The following FRMD6 variants were observed in gnomAD, a reference collection of about 807,000 sequenced individuals.
FRMD6 encodes FERM domain-containing protein 6.
FRMD6 carries 37 observed loss-of-function variants against 73.2 expected under a neutral mutation model. The observed-to-expected ratio is 0.51, with a 90% confidence interval of 0.39 to 0.66. FRMD6 has a LOEUF of 0.66. Ranked by LOEUF, FRMD6 falls within the 30% of genes least tolerant of loss-of-function variation. The pLI is 0.00. For missense variants in FRMD6, 714 were observed against 780.5 expected (o/e 0.91, Z 1.02); for synonymous variants, 273 against 282.2 (o/e 0.97, Z 0.33).
At position 51,730,392 on chromosome 14, in the gene FRMD6, C is replaced by T. The variant is rs558179075; in HGVS notation, c.*2363C>T. 3 of 152,256 alleles carry T rather than the reference C, an allele frequency of 2.0e-5. No homozygotes were observed. The South Asian group carries it at 6.2e-4, about 32-fold the overall frequency. 9.4% of individuals were successfully genotyped at this position (152,256 alleles called of 1,614,324 possible). On this transcript the variant is annotated 3_prime_UTR_variant, in exon 14 of 14. Coordinates refer to ENST00000344768, the MANE Select transcript of FRMD6 (RefSeq NM_001267046.2). ...TATATATATGTATAGGAAAAATCCA[C>T]TTTGAATAATCCATGTTTTGTATTT...
intron 1 of FRMD6, among the ~76,000 whole-genome samples, chr14:51,500,729 A>C (rs565377260): frequency 6.6e-6 from 1 of 152,282 alleles, no homozygotes; most frequent in African/African-American, 2.4e-5. Flanking sequence ...AGGCCATAGA[A>C]GATTATATAT....
chr14:51,677,689 G>C (rs577339218), intron 1 of FRMD6, among the ~76,000 whole-genome samples: 1 of 152,104 alleles, frequency 6.6e-6, no homozygotes, highest in African/African-American at 2.4e-5. Context: ...TTATCCCCCA[G>C]CTTCCCATAG....
chr14:51,709,327 A>G (rs969504374), intron 7 of FRMD6, among the ~76,000 whole-genome samples: 1 of 152,204 alleles, frequency 6.6e-6, no homozygotes, highest in African/African-American at 2.4e-5. Flanking sequence ...TGAATACTAA[A>G]GGAATTGTTG....
the FRMD6 span, among the ~76,000 whole-genome samples, chr14:51,477,940 G>C: frequency 6.6e-6 from 1 of 152,084 alleles, no homozygotes; most frequent in African/African-American, 2.4e-5. Flanking sequence ...GTTTTGCCAT[G>C]TTGGCCAGGC....
intron 2 of FRMD6, among the ~76,000 whole-genome samples, chr14:51,618,857 A>C (rs1237329164): frequency 6.6e-6 from 1 of 150,966 alleles, no homozygotes; most frequent in African/African-American, 2.4e-5. Context: ...ATTTCTATGA[A>C]GAATTGACAG....
chr14:51,457,342 A>T, the FRMD6 span, among the ~76,000 whole-genome samples: 1 of 152,294 alleles, frequency 6.6e-6, no homozygotes, highest in East Asian at 1.9e-4. Flanking sequence ...CATCAAGTAT[A>T]TGATGACTAG....
chr14:51,513,446 C>T (rs551858739), intron 1 of FRMD6, among the ~76,000 whole-genome samples: 21 of 152,262 alleles, frequency 1.4e-4, no homozygotes, highest in East Asian at 1.2e-3. Context: ...ACAATTCGGC[C>T]GAGCCATTGA....
At chr14:51,670,641 T>G (rs1893937537) in intron 1 of FRMD6, among the ~76,000 whole-genome samples, 2 of 151,928 alleles carry the variant, frequency 1.3e-5, no homozygotes, top group Admixed American at 1.3e-4. Flanking sequence ...TATATTTAGT[T>G]AGGTCTTTTT....
At chr14:51,670,058 A>G (rs1257358454) in intron 1 of FRMD6, among the ~76,000 whole-genome samples, 1 of 152,102 alleles carries the variant, frequency 6.6e-6, no homozygotes, top group African/African-American at 2.4e-5. Context: ...GGATTTTTAA[A>G]AACTTTATTT....
chr14:51,633,621 A>AAAAAAAAAAAAAAAAAAAG (rs143710280), intron 2 of FRMD6, among the ~76,000 whole-genome samples: 1 of 99,368 alleles, frequency 1.0e-5, no homozygotes. Flanking sequence ...AAAAAAAAAA[A>AAAAAAAAAAAAAAAAAAAG]GAAATAATTA....
At chr14:51,516,353 G>T (rs959777781) in intron 1 of FRMD6, among the ~76,000 whole-genome samples, 2 of 152,206 alleles carry the variant, frequency 1.3e-5, no homozygotes, top group Admixed American at 6.5e-5. Context: ...CGAGTAGGAG[G>T]AAAGAGTGCA....
intron 1 of FRMD6, among the ~76,000 whole-genome samples, chr14:51,683,014 C>T (rs983496648): frequency 6.6e-6 from 1 of 152,144 alleles, no homozygotes; most frequent in Non-Finnish European, 1.5e-5. Flanking sequence ...TTTGGTCAGC[C>T]AGCACACATT....
chr14:51,611,659 A>C (rs1048780132), intron 2 of FRMD6, among the ~76,000 whole-genome samples: 2 of 152,226 alleles, frequency 1.3e-5, no homozygotes, highest in African/African-American at 4.8e-5. Context: ...CTGCATTTCT[A>C]ACAAGCTTCC....
the FRMD6 span, among the ~76,000 whole-genome samples, chr14:51,430,622 A>G: frequency 6.6e-6 from 1 of 151,770 alleles, no homozygotes; most frequent in Non-Finnish European, 1.5e-5. Context: ...ACAAAAAACA[A>G]CAAAAAAAAC....
the FRMD6 span, among the ~76,000 whole-genome samples, chr14:51,429,655 A>G: frequency 3.3e-5 from 5 of 152,308 alleles, no homozygotes; most frequent in African/African-American, 1.2e-4. Flanking sequence ...GAGACCAAGC[A>G]CTGGACAGGA....
chr14:51,420,121 A>C, the FRMD6 span, among the ~76,000 whole-genome samples: 1 of 152,240 alleles, frequency 6.6e-6, no homozygotes, highest in Admixed American at 6.5e-5. Flanking sequence ...CTGCATGTCA[A>C]GGCCCAAGGC....
At chr14:51,537,066 C>G (rs1230054960) in intron 1 of FRMD6, among the ~76,000 whole-genome samples, 1 of 152,106 alleles carries the variant, frequency 6.6e-6, no homozygotes, top group Non-Finnish European at 1.5e-5. Flanking sequence ...AGAGTTCGCT[C>G]TTTATGTTGT....
chr14:51,629,828 C>A lies in FRMD6; in HGVS notation c.-147+59418C>A, dbSNP rs185628278. Among the ~76,000 whole-genome samples the A allele has an allele frequency of 2.0e-5, 3 of 152,292 alleles. No individual in the cohort carries two copies. The East Asian group carries it at 5.8e-4, about 29-fold the overall frequency. ...AATTGCTTCAAGCCTCAGTTTTTTT[C>A]ATCTATAAAATAAGAACACTGGATT... On this transcript the variant is annotated intron_variant, in intron 2 of 14. Coordinates refer to the FRMD6 transcript ENST00000356218.
chr14:51,472,408 A>G, the FRMD6 span, among the ~76,000 whole-genome samples: 1 of 152,090 alleles, frequency 6.6e-6, no homozygotes, highest in African/African-American at 2.4e-5. Flanking sequence ...GGTTCACGCC[A>G]TTCTCCTGCT....
Sources: allele counts gnomAD v4.1 joint callset (sites outside exome capture counted in the v4.1 genomes callset), GRCh38; gene constraint gnomAD v4.1.1; transcripts MANE v1.5; gene names NCBI Gene and HGNC (gene_info 2026-07-23, HGNC 2026-07-21).